The following PIWIL1 variants were observed in gnomAD, a reference collection of about 807,000 sequenced individuals.
PIWIL1 encodes piwi-like protein 1.
In PIWIL1, 73 loss-of-function variants were observed where a neutral mutation model predicts 114.4. That is an observed-to-expected ratio of 0.64 (90% CI 0.53 to 0.78). The LOEUF (loss-of-function observed/expected upper bound fraction) is 0.78, where lower values mean the gene tolerates loss of function less well. PIWIL1 is among the 30% of genes least tolerant of loss of function. The pLI is 0.00. For synonymous variants in PIWIL1, 375 were observed against 369.0 expected (o/e 1.02, Z -0.19); for missense variants, 723 against 1,063.1 (o/e 0.68, Z 4.45).
chr12:130,396,685 T>C, the PIWIL1 span: 1 of 152,798 alleles, frequency 6.5e-6, no homozygotes, highest in South Asian at 2.1e-4. Flanking sequence ...ACTGGTGCTT[T>C]ACCAAACAAA....
the PIWIL1 span, among the ~76,000 whole-genome samples, chr12:130,408,201 G>C: frequency 6.6e-6 from 1 of 152,200 alleles, no homozygotes; most frequent in Non-Finnish European, 1.5e-5. Flanking sequence ...GTGCACGGTT[G>C]TGACATTGCT....
Position 130,342,415 on chromosome 12 carries a change from G to A in PIWIL1, c.-12-165G>A. Reference sequence around the variant, plus strand: ...TAAGCAACTGAGTTTGTTGAATGTAGGAATGTTACATTAAAAAAAACTGTC... The same window carrying A: ...TAAGCAACTGAGTTTGTTGAATGTAAGAATGTTACATTAAAAAAAACTGTC... On this transcript the variant is annotated intron_variant, in intron 1 of 20. Transcript: ENST00000245255. 2.3e-5 allele frequency: 14 copies of A among 613,032 alleles called. No individual in the cohort carries two copies. In the South Asian group the frequency reaches 2.7e-4, roughly 12 times the overall value. The allele number at this position is 613,032 out of a possible 1,614,324, so 38.0% of individuals were successfully genotyped here.
intron 6 of PIWIL1, 120 bp downstream of exon 6, chr12:130,347,182 T>G: frequency 1.4e-6 from 1 of 730,196 alleles, no homozygotes; most frequent in Non-Finnish European, 2.3e-6. Flanking sequence ...TGAGTTTCTC[T>G]GTATTGCAGT....
chr12:130,393,028 C>T, the PIWIL1 span, among the ~76,000 whole-genome samples: 2 of 139,250 alleles, frequency 1.4e-5, no homozygotes, highest in Admixed American at 7.0e-5. Context: ...ACCCGGTCAC[C>T]GTCATCACGT....
At chr12:130,418,591 C>T in the PIWIL1 span, among the ~76,000 whole-genome samples, 1 of 152,294 alleles carries the variant, frequency 6.6e-6, no homozygotes, top group African/African-American at 2.4e-5. Flanking sequence ...TCTGGCTACA[C>T]CATTTTCCAA....
intron 2 of PIWIL1, 35 bp from the exon 3 acceptor site, chr12:130,342,955 C>A (rs760918657): frequency 6.6e-7 from 1 of 1,526,478 alleles, no homozygotes; most frequent in African/African-American, 1.4e-5. Context: ...GACCGCTTGA[C>A]GAAAAGAATG....
At chr12:130,368,399 A>G (rs79526276) in intron 19 of PIWIL1, among the ~76,000 whole-genome samples, 1,804 of 152,254 alleles carry the variant, frequency 0.012, 29 homozygotes, top group East Asian at 0.04. Flanking sequence ...GGAAAATGAT[A>G]ATAGCATACA....
the PIWIL1 span, among the ~76,000 whole-genome samples, chr12:130,408,503 G>A: frequency 2.6e-5 from 4 of 152,284 alleles, no homozygotes; most frequent in Admixed American, 6.5e-5. Flanking sequence ...GCCACAGATC[G>A]GGGCCTGGGC....
chr12:130,408,939 C>G, the PIWIL1 span, among the ~76,000 whole-genome samples: 2 of 152,190 alleles, frequency 1.3e-5, no homozygotes, highest in African/African-American at 4.8e-5. Context: ...TGGTTAGGAG[C>G]CACTGCTGTA....
chr12:130,349,381 CAT>C lies in PIWIL1; in HGVS notation c.879_880del (p.His293GlnfsTer20). 1.2e-6 allele frequency: 2 copies of C among 1,613,566 alleles called. No individual in the cohort carries two copies. The highest frequency in any genetic ancestry group is 1.7e-6 in the Non-Finnish European group (2 of 1,179,536). On this transcript the variant is annotated frameshift_variant, in exon 8 of 21. Transcript: ENST00000245255. LOFTEE classifies it high-confidence loss of function. ...MFNFYHQTEE[H>X]KFQEQVSKEL... Reference sequence around the variant, plus strand: ...CAACTTTTATCATCAGACAGAAGAACATAAATTTCAAGAACAAGTTTCCAAAG... The same window carrying C: ...CAACTTTTATCATCAGACAGAAGAACAAATTTCAAGAACAAGTTTCCAAAG...
At chr12:130,424,721 CT>C in the PIWIL1 span, 2 of 1,232,270 alleles carry the variant, frequency 1.6e-6, no homozygotes, top group Non-Finnish European at 2.0e-6. This position sits in a 1 kb window ranked among gnomAD's most constrained non-coding sequence, Gnocchi z 9.8. Context: ...CTGCACCCTG[CT>C]TGTGTAGCAG....
rs117552783 is a variant in PIWIL1, at chr12:130,349,232, C to A, written c.735-7C>A. On this transcript the variant is annotated splice_region_variant and splice_polypyrimidine_tract_variant and intron_variant, in intron 7 of 20. Coordinates refer to ENST00000245255, the MANE Select transcript of PIWIL1 (RefSeq NM_004764.5). ...AGGTTCTTCATGACCCCCATCTCGT[C>A]TGACAGGTTGGTGATTTGGCCTGGC... 8 of 1,609,720 alleles carry A rather than the reference C, an allele frequency of 5.0e-6. No individual in the cohort carries two copies. Among genetic ancestry groups the A allele is most frequent in the Non-Finnish European group, 6.0e-6 (7 of 1,176,196 alleles).
intron 16 of PIWIL1, 70 bp from the exon 17 acceptor site, chr12:130,362,696 A>G (rs2073547173): frequency 1.5e-6 from 2 of 1,299,912 alleles, no homozygotes; most frequent in Admixed American, 3.4e-5. Context: ...AAATAAATAT[A>G]GAATAATTCA....
the PIWIL1 span, among the ~76,000 whole-genome samples, chr12:130,412,956 T>C: frequency 1.3e-5 from 2 of 152,322 alleles, no homozygotes; most frequent in South Asian, 2.1e-4. Context: ...GATGTGTACA[T>C]GTAACCCTCG....
At chr12:130,340,913 T>C (rs2072902486) in intron 1 of PIWIL1, among the ~76,000 whole-genome samples, 1 of 152,200 alleles carries the variant, frequency 6.6e-6, no homozygotes, top group Admixed American at 6.5e-5. Flanking sequence ...AGAGTCATAT[T>C]GTAAGGGGTC....
intron 4 of PIWIL1, 123 bp downstream of exon 4, chr12:130,346,001 A>T (rs199603584): frequency 1.4e-6 from 1 of 708,612 alleles, no homozygotes; most frequent in Non-Finnish European, 2.0e-6. Flanking sequence ...GATTTTCCTC[A>T]CTTTCTTTTG....
At chr12:130,358,652 T>A (rs572335525) in intron 14 of PIWIL1, among the ~76,000 whole-genome samples, 1 of 152,244 alleles carries the variant, frequency 6.6e-6, no homozygotes, top group East Asian at 1.9e-4. Flanking sequence ...CCCAATCCCA[T>A]CAGTGTTTTG....
chr12:130,375,922 C>A (rs2073863273), downstream of PIWIL1, among the ~76,000 whole-genome samples: 1 of 152,150 alleles, frequency 6.6e-6, no homozygotes, highest in African/African-American at 2.4e-5. Context: ...TCCACGATGC[C>A]ATGCTCTCTT....
At chr12:130,403,812 T>C in the PIWIL1 span, among the ~76,000 whole-genome samples, 1 of 152,212 alleles carries the variant, frequency 6.6e-6, no homozygotes, top group African/African-American at 2.4e-5. Flanking sequence ...AATAAAATAT[T>C]AGCAAATCAA....
Sources: allele counts gnomAD v4.1 joint callset (sites outside exome capture counted in the v4.1 genomes callset), GRCh38; gene constraint gnomAD v4.1.1; non-coding constraint Gnocchi (gnomAD v3.1); transcripts MANE v1.5; gene names NCBI Gene and HGNC (gene_info 2026-07-23, HGNC 2026-07-21).